THSD7A: variants seen among roughly 807,000 people sequenced by gnomAD.
THSD7A encodes thrombospondin type-1 domain-containing protein 7A.
In THSD7A, 96 loss-of-function variants were observed where a neutral mutation model predicts 231.3. That is an observed-to-expected ratio of 0.41 (90% CI 0.35 to 0.49). The LOEUF (loss-of-function observed/expected upper bound fraction) is 0.49, where lower values mean the gene tolerates loss of function less well. Ranked by LOEUF, THSD7A falls within the 20% of genes least tolerant of loss-of-function variation. THSD7A has a pLI of 0.05. For missense variants in THSD7A, 2,290 were observed against 2,070.2 expected (o/e 1.11, Z -2.06); for synonymous variants, 940 against 743.3 (o/e 1.26, Z -4.30).
intron 4 of THSD7A, among the ~76,000 whole-genome samples, chr7:11,568,679 T>C (rs2128333547): frequency 7.6e-6 from 1 of 132,260 alleles, no homozygotes. Flanking sequence ...AAGGTAAAGA[T>C]GACTACTGTC....
At chr7:11,410,280 A>G (rs1354684251) in intron 19 of THSD7A, among the ~76,000 whole-genome samples, 1 of 152,218 alleles carries the variant, frequency 6.6e-6, no homozygotes, top group Non-Finnish European at 1.5e-5. Flanking sequence ...TCCACATGAT[A>G]AACATATCAA....
At chr7:11,496,186 T>G (rs1265389235) in intron 6 of THSD7A, among the ~76,000 whole-genome samples, 1 of 152,150 alleles carries the variant, frequency 6.6e-6, no homozygotes, top group Non-Finnish European at 1.5e-5. Context: ...TTTACAGGAT[T>G]TAGCGGATAT....
At position 11,465,325 on chromosome 7, in the gene THSD7A, AAAT is replaced by A. The variant is rs565933559; in HGVS notation, c.2369-3185_2369-3183del. 2.8e-3 allele frequency among the ~76,000 whole-genome samples: 429 copies of A among 152,212 alleles called. 3 individuals are homozygous for A. Among genetic ancestry groups the A allele is most frequent in the African/African-American group, 9.9e-3 (411 of 41,544 alleles). On this transcript the variant is annotated intron_variant, in intron 9 of 27. Coordinates refer to ENST00000423059, the MANE Select transcript of THSD7A (RefSeq NM_015204.3). ...TAAGCTATCACTTTGTTTTCATTGG[AAAT>A]AACAAGTACGCGAAAAATAAGGGCA...
chr7:11,394,798 G>A (rs536723271), intron 23 of THSD7A, among the ~76,000 whole-genome samples: 73 of 152,266 alleles, frequency 4.8e-4, no homozygotes, highest in African/African-American at 1.7e-3. Flanking sequence ...CTGCATACCT[G>A]TGGCCGAGTA....
intron 4 of THSD7A, among the ~76,000 whole-genome samples, chr7:11,589,803 T>C (rs1365472384): frequency 6.6e-6 from 1 of 152,228 alleles, no homozygotes; most frequent in Admixed American, 6.5e-5. Context: ...ATGATAATTT[T>C]AGAGTCATAT....
At chr7:11,471,297 G>A (rs938673674) in intron 8 of THSD7A, among the ~76,000 whole-genome samples, 3 of 151,886 alleles carry the variant, frequency 2.0e-5, no homozygotes, top group Non-Finnish European at 2.9e-5. Flanking sequence ...AGATCAGTGG[G>A]AAATAGGATT....
intron 6 of THSD7A, among the ~76,000 whole-genome samples, chr7:11,530,966 G>A (rs897510642): frequency 2.8e-4 from 43 of 152,222 alleles, no homozygotes; most frequent in Middle Eastern, 3.4e-3. Flanking sequence ...AGCTGAGATC[G>A]TGCCACTGCA....
intron 6 of THSD7A, among the ~76,000 whole-genome samples, chr7:11,502,182 A>T (rs59498788): frequency 0.17 from 25,482 of 152,118 alleles, 2,341 homozygotes; most frequent in South Asian, 0.26. Context: ...GAGGACCTAA[A>T]AGATTCATAG....
chr7:11,714,982 C>T (rs959115495), intron 1 of THSD7A, among the ~76,000 whole-genome samples: 1 of 151,344 alleles, frequency 6.6e-6, no homozygotes, highest in Non-Finnish European at 1.5e-5. Context: ...CTGGGCTGTA[C>T]ATATTTGGCG....
chr7:11,477,539 A>G (rs991843593), intron 7 of THSD7A, among the ~76,000 whole-genome samples: 1 of 152,096 alleles, frequency 6.6e-6, no homozygotes, highest in African/African-American at 2.4e-5. Flanking sequence ...TTATTCCTTT[A>G]TTTATTTATA....
At chr7:11,439,749 G>A (rs892156525) in intron 13 of THSD7A, among the ~76,000 whole-genome samples, 1 of 152,132 alleles carries the variant, frequency 6.6e-6, no homozygotes, top group South Asian at 2.1e-4. Context: ...CATAAAAAAC[G>A]TTGCAAGCTA....
At chr7:11,783,371 T>A (rs1403436728) in intron 1 of THSD7A, among the ~76,000 whole-genome samples, 2 of 152,142 alleles carry the variant, frequency 1.3e-5, no homozygotes, top group East Asian at 3.8e-4. Flanking sequence ...AAAAACAGAA[T>A]GGTTGTGTAG....
intron 8 of THSD7A, among the ~76,000 whole-genome samples, chr7:11,473,814 C>G (rs1312644379): frequency 6.6e-6 from 1 of 152,100 alleles, no homozygotes; most frequent in Admixed American, 6.6e-5. Context: ...CCAAGGCTCT[C>G]TCTTGGAAGT....
At chr7:11,747,691 T>C (rs1401900056) in intron 1 of THSD7A, among the ~76,000 whole-genome samples, 1 of 151,924 alleles carries the variant, frequency 6.6e-6, no homozygotes, top group Admixed American at 6.6e-5. Context: ...AAATTGACAG[T>C]GCATATGTGC....
chr7:11,779,145 T>C (rs1001691664), intron 1 of THSD7A, among the ~76,000 whole-genome samples: 3 of 152,180 alleles, frequency 2.0e-5, no homozygotes, highest in African/African-American at 7.2e-5. Context: ...CTTTGACACC[T>C]AATGTAATGT....
At chr7:11,566,715 T>C (rs1790344505) in intron 4 of THSD7A, among the ~76,000 whole-genome samples, 1 of 152,154 alleles carries the variant, frequency 6.6e-6, no homozygotes, top group African/African-American at 2.4e-5. Flanking sequence ...TCAGAAAGTC[T>C]ATGTCCCCGT....
chr7:11,648,602 T>A (rs1419908976), intron 1 of THSD7A, among the ~76,000 whole-genome samples: 1 of 150,048 alleles, frequency 6.7e-6, no homozygotes, highest in Non-Finnish European at 1.5e-5. Context: ...CAATATCTAC[T>A]AGGACCCAAT....
At chr7:11,476,969 A>G (rs962761684) in intron 7 of THSD7A, among the ~76,000 whole-genome samples, 1 of 152,180 alleles carries the variant, frequency 6.6e-6, no homozygotes, top group Non-Finnish European at 1.5e-5. Context: ...AGATGAAACG[A>G]TGTCCATCAC....
chr7:11,625,966 C>G (rs1025138295), intron 2 of THSD7A, among the ~76,000 whole-genome samples: 2 of 151,986 alleles, frequency 1.3e-5, no homozygotes, highest in African/African-American at 4.8e-5. Flanking sequence ...CACAATGTCT[C>G]AAGCAAGAGA....
Sources: gnomAD v4.1 joint callset for allele counts (sites outside exome capture counted in the v4.1 genomes callset) on GRCh38, gnomAD v4.1.1 for gene constraint, MANE v1.5 for transcripts, NCBI Gene and HGNC (gene_info 2026-07-23, HGNC 2026-07-21) for gene names.